Variants in TBC1D1 observed in about 807,000 individuals in gnomAD.
TBC1D1 encodes the protein TBC1 (tre-2/USP6, BUB2, cdc16) domain family, member 1.
Under a neutral mutation model 125.6 loss-of-function variants are expected in TBC1D1, and 89 were observed. That is an observed-to-expected ratio of 0.71 (90% CI 0.60 to 0.85). TBC1D1 has a LOEUF of 0.85. Among genes scored for constraint, TBC1D1 ranks in the 40% least tolerant of loss-of-function variants. The pLI, the probability that TBC1D1 is intolerant of heterozygous loss-of-function variation, is 0.00. For synonymous variants in TBC1D1, 565 were observed against 564.1 expected, an observed-to-expected ratio of 1.00 and a Z score of -0.02; for missense variants, 1,377 against 1,469.2, an observed-to-expected ratio of 0.94 and a Z score of 1.03.
chr4:37,907,281 C>G (rs1217866687), intron 2 of TBC1D1, among the ~76,000 whole-genome samples: 1 of 152,194 alleles, frequency 6.6e-6, no homozygotes, highest in African/African-American at 2.4e-5. Flanking sequence ...TGCTACAACT[C>G]GACAAGTGGT....
chr4:38,003,644 G>T (rs1199963661), intron 2 of TBC1D1, among the ~76,000 whole-genome samples: 1 of 152,088 alleles, frequency 6.6e-6, no homozygotes, highest in African/African-American at 2.4e-5. Flanking sequence ...GAGGTGGGAA[G>T]ATCCCTTGAG....
At chr4:38,134,033 G>C (rs1025030162) in intron 19 of TBC1D1, among the ~76,000 whole-genome samples, 7 of 152,222 alleles carry the variant, frequency 4.6e-5, no homozygotes, top group Admixed American at 1.3e-4. Flanking sequence ...AATGTCACAA[G>C]TGTGTAGCAG....
At chr4:38,078,365 G>T (rs1439453147) in intron 12 of TBC1D1, among the ~76,000 whole-genome samples, 1 of 152,172 alleles carries the variant, frequency 6.6e-6, no homozygotes, top group Non-Finnish European at 1.5e-5. Flanking sequence ...GTTGTCAGAG[G>T]CTCTGTAAAA....
At chr4:37,923,973 C>T (rs1721556754) in intron 2 of TBC1D1, among the ~76,000 whole-genome samples, 1 of 152,190 alleles carries the variant, frequency 6.6e-6, no homozygotes, top group Non-Finnish European at 1.5e-5. Flanking sequence ...AGCCAATGCA[C>T]CCGGCATAGT....
At chr4:38,104,401 AGTGGCCATGCACAGGGCCAG>A (rs1292986586) in intron 15 of TBC1D1, among the ~76,000 whole-genome samples, 1 of 152,180 alleles carries the variant, frequency 6.6e-6, no homozygotes, top group African/African-American at 2.4e-5. Context: ...CTGACTTGTC[AGTGGCCATGCACAGGGCCAG>A]GTGGCAATGC....
chr4:37,966,932 G>A (rs62298520), intron 2 of TBC1D1, among the ~76,000 whole-genome samples: 48,526 of 152,032 alleles, frequency 0.32, 8,617 homozygotes, highest in African/African-American at 0.48. Context: ...GTTTTACCAG[G>A]CACATTCTTC....
At position 38,113,206 on chromosome 4, in the gene TBC1D1, C is replaced by T. The variant is rs549949819; in HGVS notation, c.2558-2504C>T. ...GAATTTCAAGACAGAGACAACAGAG[C>T]ATGAAGCCTTGTGCAAGGTCCTTCT... On this transcript the variant is annotated intron_variant, in intron 15 of 19. Coordinates refer to ENST00000261439, the MANE Select transcript of TBC1D1 (RefSeq NM_015173.4). 4.6e-5 allele frequency among the ~76,000 whole-genome samples: 7 copies of T among 152,288 alleles called. No homozygotes were observed. The South Asian group carries it at 1.5e-3, about 32-fold the overall frequency.
At chr4:37,983,259 C>T (rs1385922812) in intron 2 of TBC1D1, among the ~76,000 whole-genome samples, 1 of 151,760 alleles carries the variant, frequency 6.6e-6, no homozygotes, top group Non-Finnish European at 1.5e-5. Context: ...GGATTACAGG[C>T]AGGTGCCACC....
At chr4:38,135,742 G>C (rs557618042) in intron 19 of TBC1D1, among the ~76,000 whole-genome samples, 5 of 152,224 alleles carry the variant, frequency 3.3e-5, no homozygotes, top group African/African-American at 1.2e-4. Context: ...CATATTTTGG[G>C]TGTTCTAGTG....
chr4:38,104,359 TG>T (rs1439133454), intron 15 of TBC1D1, among the ~76,000 whole-genome samples: 1 of 152,116 alleles, frequency 6.6e-6, no homozygotes, highest in African/African-American at 2.4e-5. Context: ...CTTGTTGAAC[TG>T]GGGTGTGATT....
rs188923805 is a variant in TBC1D1 at position 37,915,094 on chromosome 4, A to G, written c.417+12582A>G. On this transcript the variant is annotated intron_variant, in intron 2 of 19. Transcript: ENST00000261439. ...AGCAACGCTCTTGCCTGTCTTCTTC[A>G]CTGCTAGTCCCTGGCACCTGGAACA... Among the ~76,000 whole-genome samples, 149 of 152,356 alleles carry G rather than the reference A, an allele frequency of 9.8e-4. 4 individuals carry two copies. The highest frequency in any genetic ancestry group is 8.7e-3 in the Admixed American group (133 of 15,304).
At chr4:37,960,566 AC>A (rs1560534138) in intron 2 of TBC1D1, 2 of 1,614,072 alleles carry the variant, frequency 1.2e-6, no homozygotes, top group Middle Eastern at 1.6e-4. Flanking sequence ...TTTTAACACG[AC>A]GTTTTGGCAA....
At chr4:37,894,583 A>G (rs1714137674) in intron 1 of TBC1D1, among the ~76,000 whole-genome samples, 1 of 152,212 alleles carries the variant, frequency 6.6e-6, no homozygotes, top group Admixed American at 6.6e-5. Flanking sequence ...TAATCAGCAA[A>G]TCTAAACCTC....
At chr4:37,900,058 T>C (rs2152219780) in intron 1 of TBC1D1, among the ~76,000 whole-genome samples, 1 of 151,324 alleles carries the variant, frequency 6.6e-6, no homozygotes, top group East Asian at 2.0e-4. Context: ...GAGGCGGAGC[T>C]TGCAGTGAGC....
Position 37,921,991 on chromosome 4 carries a change from C to T in TBC1D1, c.417+19479C>T, listed in dbSNP as rs139506075. Among the ~76,000 whole-genome samples the T allele has an allele frequency of 5.3e-5, 8 of 152,254 alleles. No homozygotes were observed. In the East Asian group the frequency reaches 1.5e-3, roughly 29 times the overall value. ...GCCTCAAGCTATCCTCCCACCTTGG[C>T]TTATTTAAGTGCTGGGATTACAGGT... On this transcript the variant is annotated intron_variant, in intron 2 of 19. Coordinates refer to ENST00000261439, the MANE Select transcript of TBC1D1 (RefSeq NM_015173.4).
rs59557310 is a variant in TBC1D1, at chr4:37,945,512, C to CAAAAAAA, written c.417+43033_417+43039dup. On this transcript the variant is annotated intron_variant, in intron 2 of 19. Transcript: ENST00000261439. ...TGGGCAACAGAGAGAGACTCCACCT[C>CAAAAAAA]AAAAAAAAAAAAAAAAAAAAAAAAA... 6.8e-4 allele frequency among the ~76,000 whole-genome samples: 14 copies of CAAAAAAA among 20,694 alleles called. 2 individuals carry two copies. The highest frequency in any genetic ancestry group is 4.2e-3 in the East Asian group (3 of 714). 13.6% of individuals were successfully genotyped at this position (20,694 alleles called of 152,430 possible).
intron 2 of TBC1D1, among the ~76,000 whole-genome samples, chr4:37,931,449 A>C (rs1026775382): frequency 2.0e-5 from 3 of 151,806 alleles, no homozygotes; most frequent in Admixed American, 2.0e-4. Flanking sequence ...GAGAATGAAG[A>C]ACTGTTATCC....
intron 17 of TBC1D1, among the ~76,000 whole-genome samples, chr4:38,124,310 C>T (rs1223666365): frequency 6.6e-6 from 1 of 152,206 alleles, no homozygotes; most frequent in African/African-American, 2.4e-5. Flanking sequence ...TGCCCTCCCT[C>T]TTATTCTGCA....
chr4:38,028,000 C>T (rs140910523), intron 7 of TBC1D1, 121 bp downstream of exon 7: 23 of 637,730 alleles, frequency 3.6e-5, no homozygotes, highest in African/African-American at 3.6e-4. Context: ...GCCTTGAGTT[C>T]GTCTTGGTTT....
Sources: allele counts gnomAD v4.1 joint callset (sites outside exome capture counted in the v4.1 genomes callset), GRCh38; gene constraint gnomAD v4.1.1; transcripts MANE v1.5; gene names NCBI Gene and HGNC (gene_info 2026-07-23, HGNC 2026-07-21).